Variants in DIP2C observed in about 807,000 individuals in gnomAD.
The protein encoded by DIP2C is disco-interacting protein 2 homolog C.
In DIP2C, 33 loss-of-function variants were observed where a neutral mutation model predicts 192.4. The observed-to-expected ratio is 0.17, with a 90% CI of 0.13 to 0.23. The LOEUF (loss-of-function observed/expected upper bound fraction) is 0.23. Among genes scored for constraint, DIP2C ranks in the 10% least tolerant of loss-of-function variants. The pLI is 1.00. For synonymous variants in DIP2C, 979 were observed against 864.1 expected, an observed-to-expected ratio of 1.13 and a Z score of -2.33; for missense variants, 1,537 against 2,110.1, an observed-to-expected ratio of 0.73 and a Z score of 5.32.
intron 1 of DIP2C, among the ~76,000 whole-genome samples, chr10:527,817 C>T (rs760906491): frequency 2.6e-5 from 4 of 152,212 alleles, no homozygotes; most frequent in Non-Finnish European, 4.4e-5. Flanking sequence ...AACCAGGTAC[C>T]GCTGAATGGC....
chr10:647,400 G>C (rs1056691249), intron 1 of DIP2C, among the ~76,000 whole-genome samples: 2 of 151,934 alleles, frequency 1.3e-5, no homozygotes, highest in Non-Finnish European at 2.9e-5. Flanking sequence ...GTCCACATTG[G>C]ATGGTGGGAG....
chr10:557,534 C>CA (rs1342078988), intron 1 of DIP2C, among the ~76,000 whole-genome samples: 1 of 150,970 alleles, frequency 6.6e-6, no homozygotes, highest in Non-Finnish European at 1.5e-5. Flanking sequence ...TCACGTTTCT[C>CA]AAAGCCAAAG....
At chr10:464,722 T>C (rs1330494208) in intron 3 of DIP2C, among the ~76,000 whole-genome samples, 1 of 152,110 alleles carries the variant, frequency 6.6e-6, no homozygotes. Flanking sequence ...AAAACTCGGA[T>C]CCAACCCAAA....
In DIP2C at chr10:651,300, G is replaced by T; in HGVS notation, c.85+38194C>A. The T allele has an allele frequency of 1.4e-6, 1 of 709,628 alleles. No homozygotes were observed. 44.0% of individuals were successfully genotyped at this position (709,628 alleles called of 1,614,324 possible). A position where few individuals can be genotyped will look rare whatever the true frequency, so the allele number is the denominator to read the frequency against. ...CACCAACGTGGACTCCTTACAAGCAGAGCCACCAACGTGGACACGATCCCA... is the reference window on the plus strand; with the variant it reads ...CACCAACGTGGACTCCTTACAAGCATAGCCACCAACGTGGACACGATCCCA... On this transcript the variant is annotated intron_variant, in intron 1 of 36. Coordinates refer to ENST00000280886, the MANE Select transcript of DIP2C (RefSeq NM_014974.3). This position sits in a 1 kb window ranked among gnomAD's most constrained non-coding sequence, Gnocchi z 4.1.
At chr10:294,870 A>T (rs1391775850) in intron 32 of DIP2C, among the ~76,000 whole-genome samples, 1 of 152,186 alleles carries the variant, frequency 6.6e-6, no homozygotes, top group Non-Finnish European at 1.5e-5. Flanking sequence ...CAAAGTGAAA[A>T]AACAACCTAC....
intron 10 of DIP2C, among the ~76,000 whole-genome samples, chr10:393,938 G>C (rs1399294733): frequency 2.0e-5 from 3 of 151,884 alleles, no homozygotes; most frequent in African/African-American, 4.8e-5. Flanking sequence ...GCAGAGAAAA[G>C]AAAACCCTTG....
intron 3 of DIP2C, among the ~76,000 whole-genome samples, chr10:471,522 G>A (rs971712067): frequency 2.6e-5 from 4 of 152,192 alleles, no homozygotes; most frequent in East Asian, 1.9e-4. Context: ...GACTTCACCT[G>A]CTTATCATGA....
chr10:614,788 A>G (rs1273129912), intron 1 of DIP2C, among the ~76,000 whole-genome samples: 1 of 152,210 alleles, frequency 6.6e-6, no homozygotes, highest in Non-Finnish European at 1.5e-5. Flanking sequence ...GGCTCCAGGG[A>G]GTAGGTATGG....
At chr10:309,560 CTTT>C (rs766027771) in intron 32 of DIP2C, among the ~76,000 whole-genome samples, 8 of 137,100 alleles carry the variant, frequency 5.8e-5, no homozygotes, top group Admixed American at 7.3e-5. Flanking sequence ...AACAGAGTTT[CTTT>C]TTTTTTTTTT....
rs1199944327 is a variant in DIP2C at position 344,993 on chromosome 10, A to T, written c.3343+6T>A. On this transcript the variant is annotated splice_donor_region_variant and intron_variant, in intron 27 of 36. Coordinates refer to ENST00000280886, the MANE Select transcript of DIP2C (RefSeq NM_014974.3). ...GCAAACCACCTTCTGCAGCTAAAGCACCAACCTGTGTCCAGGATGAGGGGC... is the reference window on the plus strand; with the variant it reads ...GCAAACCACCTTCTGCAGCTAAAGCTCCAACCTGTGTCCAGGATGAGGGGC... The T allele has an allele frequency of 1.9e-6, 3 of 1,611,620 alleles. No individual in the cohort carries two copies. In the East Asian group the frequency reaches 6.7e-5, roughly 36 times the overall value.
At chr10:626,077 T>C (rs755468137) in intron 1 of DIP2C, among the ~76,000 whole-genome samples, 224 of 152,310 alleles carry the variant, frequency 1.5e-3, no homozygotes, top group Non-Finnish European at 1.6e-3. Context: ...AGGAGGTCTG[T>C]GAACACACAA....
intron 4 of DIP2C, among the ~76,000 whole-genome samples, chr10:435,977 A>T (rs922937798): frequency 6.6e-6 from 1 of 152,062 alleles, no homozygotes; most frequent in Admixed American, 6.5e-5. Context: ...ATATAAATAT[A>T]TAAACAGGTA....
At position 419,263 on chromosome 10, in the gene DIP2C, G is replaced by A. The variant is rs555720416; in HGVS notation, c.605-64C>T. The stretch of plus-strand genomic sequence containing the variant: ...GATGTTTGCTCTGAAGGTGGAACAA[G>A]CCACAGCCCAGGAAGAGACTGAAGC... On this transcript the variant is annotated intron_variant, in intron 5 of 36. Transcript: ENST00000280886. The A allele has an allele frequency of 3.7e-6, 6 of 1,608,528 alleles. No homozygotes were observed. The South Asian group carries it at 6.6e-5, about 18-fold the overall frequency.
intron 2 of DIP2C, among the ~76,000 whole-genome samples, chr10:475,639 A>G (rs893850440): frequency 1.3e-5 from 2 of 152,228 alleles, no homozygotes; most frequent in East Asian, 1.9e-4. Flanking sequence ...GTTTGCAACA[A>G]AAGTCTGAAA....
chr10:471,544 G>A (rs1970635689), intron 3 of DIP2C, among the ~76,000 whole-genome samples: 1 of 152,168 alleles, frequency 6.6e-6, no homozygotes, highest in Non-Finnish European at 1.5e-5. Context: ...AGCTCCATGT[G>A]AGAACAATGT....
intron 5 of DIP2C, among the ~76,000 whole-genome samples, chr10:421,741 G>GT (rs1312164154): frequency 1.3e-5 from 2 of 152,084 alleles, no homozygotes; most frequent in East Asian, 1.9e-4. Flanking sequence ...AAAAGAAATG[G>GT]TTTTTTTCAT....
intron 36 of DIP2C, among the ~76,000 whole-genome samples, chr10:279,453 G>A (rs2132123124): frequency 6.6e-6 from 1 of 152,310 alleles, no homozygotes; most frequent in South Asian, 2.1e-4. Flanking sequence ...CCTCTGCCAG[G>A]GACCTATGGG....
chr10:615,433 C>CTCA, intron 1 of DIP2C, among the ~76,000 whole-genome samples: 2 of 152,230 alleles, frequency 1.3e-5, no homozygotes, highest in African/African-American at 4.8e-5. Flanking sequence ...CTCAGGGACG[C>CTCA]TAAATTTGAA....
At chr10:586,059 G>A (rs1196960474) in intron 1 of DIP2C, among the ~76,000 whole-genome samples, 1 of 152,124 alleles carries the variant, frequency 6.6e-6, no homozygotes, top group Non-Finnish European at 1.5e-5. Flanking sequence ...CAACTCTAAG[G>A]GCAGGTGGAG....
Sources: allele counts gnomAD v4.1 joint callset (sites outside exome capture counted in the v4.1 genomes callset), GRCh38; gene constraint gnomAD v4.1.1; non-coding constraint Gnocchi (gnomAD v3.1); transcripts MANE v1.5; gene names NCBI Gene and HGNC (gene_info 2026-07-23, HGNC 2026-07-21).